Variants in ZNF503 observed in about 807,000 individuals in gnomAD.
ZNF503 encodes the protein NocA-like zinc finger 2.
A neutral mutation model predicts 34.4 loss-of-function variants in ZNF503; 15 were observed. The observed-to-expected ratio is 0.44, with a 90% CI of 0.29 to 0.67. The LOEUF is 0.67. ZNF503 is among the 30% of genes least tolerant of loss of function. The pLI is 0.13. For missense variants in ZNF503, 1,007 were observed against 926.8 expected (o/e 1.09, Z -1.12); for synonymous variants, 580 against 456.8 (o/e 1.27, Z -3.44).
chr10:75,300,704 C>CTT, the ZNF503 span, among the ~76,000 whole-genome samples: 977 of 108,706 alleles, frequency 9.0e-3, 83 homozygotes, highest in African/African-American at 0.026. Context: ...TTCTTTCTTT[C>CTT]TTTTTTTTTT....
the ZNF503 span, among the ~76,000 whole-genome samples, chr10:75,304,508 C>G: frequency 1.3e-5 from 2 of 152,168 alleles, no homozygotes; most frequent in Non-Finnish European, 2.9e-5. Flanking sequence ...ACAATAAACA[C>G]TCGTGACTGG....
the ZNF503 span, among the ~76,000 whole-genome samples, chr10:75,355,780 G>A: frequency 6.6e-6 from 1 of 152,196 alleles, no homozygotes; most frequent in South Asian, 2.1e-4. Flanking sequence ...TAGGTTCTAT[G>A]GGTCTGGAAT....
At chr10:75,384,170 G>C in the ZNF503 span, among the ~76,000 whole-genome samples, 107 of 152,140 alleles carry the variant, frequency 7.0e-4, no homozygotes, top group Non-Finnish European at 1.3e-3. Flanking sequence ...CTGTGTGGTG[G>C]GCGCTCCTGT....
chr10:75,395,452 C>A (rs976593537), downstream of ZNF503, among the ~76,000 whole-genome samples: 1 of 152,100 alleles, frequency 6.6e-6, no homozygotes, highest in Non-Finnish European at 1.5e-5. The surrounding 1 kb of genome is among the most constrained non-coding windows in gnomAD (Gnocchi z 4.4). Context: ...GGCCGGGGTT[C>A]CAGGACTCCT....
the ZNF503 span, among the ~76,000 whole-genome samples, chr10:75,344,656 C>T: frequency 1.3e-5 from 2 of 152,224 alleles, no homozygotes; most frequent in East Asian, 1.9e-4. Flanking sequence ...AACCATTCTA[C>T]CTCTAGATTT....
the ZNF503 span, among the ~76,000 whole-genome samples, chr10:75,364,990 CT>C: frequency 3.9e-5 from 6 of 152,304 alleles, 1 homozygote; most frequent in African/African-American, 1.4e-4. Flanking sequence ...AGGAGCAGCA[CT>C]TGTGATATCT....
the ZNF503 span, among the ~76,000 whole-genome samples, chr10:75,370,801 A>T: frequency 6.8e-6 from 1 of 147,160 alleles, no homozygotes; most frequent in African/African-American, 2.6e-5. Context: ...AAAAAAAAAA[A>T]AAAAAAAAAA....
At chr10:75,287,678 C>T in the ZNF503 span, among the ~76,000 whole-genome samples, 1 of 152,212 alleles carries the variant, frequency 6.6e-6, no homozygotes, top group Non-Finnish European at 1.5e-5. Context: ...ACCAGGGCCT[C>T]TGACAAGATC....
chr10:75,317,003 A>C, the ZNF503 span, among the ~76,000 whole-genome samples: 1 of 152,172 alleles, frequency 6.6e-6, no homozygotes, highest in Admixed American at 6.5e-5. Flanking sequence ...GTACAGCAGC[A>C]CAGTCATAGC....
the ZNF503 span, among the ~76,000 whole-genome samples, chr10:75,386,013 G>A: frequency 6.6e-6 from 1 of 152,182 alleles, no homozygotes; most frequent in Non-Finnish European, 1.5e-5. Flanking sequence ...CCCTGCCAAA[G>A]CCTGCTCTCC....
the ZNF503 span, among the ~76,000 whole-genome samples, chr10:75,377,920 C>CA: frequency 3.7e-4 from 57 of 152,232 alleles, no homozygotes; most frequent in African/African-American, 1.4e-3. Context: ...GGGGAGGCCT[C>CA]AGGAAACTTT....
At chr10:75,340,170 C>T in the ZNF503 span, among the ~76,000 whole-genome samples, 281 of 10,584 alleles carry the variant, frequency 0.027, 6 homozygotes, top group East Asian at 0.17. Flanking sequence ...GGGGAGGGGG[C>T]GGGGGGTCGA....
the ZNF503 span, among the ~76,000 whole-genome samples, chr10:75,286,155 C>G: frequency 6.6e-6 from 1 of 151,894 alleles, no homozygotes; most frequent in Non-Finnish European, 1.5e-5. Flanking sequence ...TGGTGGCACG[C>G]GCCTGTAGTC....
At chr10:75,342,316 G>T in the ZNF503 span, among the ~76,000 whole-genome samples, 1 of 152,088 alleles carries the variant, frequency 6.6e-6, no homozygotes, top group Non-Finnish European at 1.5e-5. Flanking sequence ...TTTTGGTCAG[G>T]TTCCCCAAGA....
the ZNF503 span, among the ~76,000 whole-genome samples, chr10:75,333,535 G>A: frequency 2.4e-3 from 158 of 64,582 alleles, no homozygotes; most frequent in African/African-American, 9.7e-3. Context: ...AGGGGCGGCC[G>A]GGCAGAGGCG....
chr10:75,369,145 A>G, the ZNF503 span, among the ~76,000 whole-genome samples: 3 of 152,354 alleles, frequency 2.0e-5, no homozygotes, highest in Non-Finnish European at 2.9e-5. Context: ...TCTCACTTGT[A>G]TCAAAAATTA....
the ZNF503 span, among the ~76,000 whole-genome samples, chr10:75,367,236 G>A: frequency 6.6e-6 from 1 of 151,852 alleles, no homozygotes; most frequent in Non-Finnish European, 1.5e-5. Context: ...AGAAAATCTT[G>A]TAGCCTGTGA....
the ZNF503 span, among the ~76,000 whole-genome samples, chr10:75,317,487 G>A: frequency 1.3e-5 from 2 of 149,470 alleles, no homozygotes; most frequent in South Asian, 2.1e-4. Context: ...GGGTTTCACC[G>A]TGTTAGCCAG....
the ZNF503 span, among the ~76,000 whole-genome samples, chr10:75,384,973 G>A: frequency 6.6e-6 from 1 of 152,302 alleles, no homozygotes; most frequent in Admixed American, 6.5e-5. Context: ...CCTTGGTGCT[G>A]AGACCCCATG....
Sources: allele counts gnomAD v4.1 joint callset (sites outside exome capture counted in the v4.1 genomes callset), GRCh38; gene constraint gnomAD v4.1.1; non-coding constraint Gnocchi (gnomAD v3.1); transcripts MANE v1.5; gene names NCBI Gene and HGNC (gene_info 2026-07-23, HGNC 2026-07-21).